The following GXYLT2 variants were observed in gnomAD, a reference collection of about 807,000 sequenced individuals.
The protein encoded by GXYLT2 is glycosyltransferase 8 domain containing 4.
In GXYLT2, 53 loss-of-function variants were observed where a neutral mutation model predicts 45.8. The ratio of observed to expected loss-of-function variants is 1.16; its 90% confidence interval spans 0.93 to 1.46. The LOEUF (loss-of-function observed/expected upper bound fraction) is 1.46, where lower values mean the gene tolerates loss of function less well. GXYLT2 is among the 40% of genes most tolerant of loss of function. The probability of loss-of-function intolerance (pLI) is 0.00; values close to 1 mark genes in which losing one functional copy is unlikely to be tolerated. For synonymous variants in GXYLT2, 219 were observed against 214.2 expected, an observed-to-expected ratio of 1.02 and a Z score of -0.19; for missense variants, 551 against 544.4, an observed-to-expected ratio of 1.01 and a Z score of -0.12.
intron 6 of GXYLT2, among the ~76,000 whole-genome samples, chr3:72,972,640 CGG>C (rs1491334131): frequency 3.3e-5 from 1 of 30,466 alleles, no homozygotes; most frequent in East Asian, 1.7e-3. Context: ...GACTCTGTCT[CGG>C]AAAAAAAAAA....
chr3:72,929,721 A>G (rs1353623393), intron 3 of GXYLT2: 1 of 587,354 alleles, frequency 1.7e-6, no homozygotes. Context: ...AAAAGAAAAT[A>G]TTCACTTAAT....
At chr3:72,889,157 C>A (rs748963389) in intron 1 of GXYLT2, among the ~76,000 whole-genome samples, 1 of 152,202 alleles carries the variant, frequency 6.6e-6, no homozygotes, top group African/African-American at 2.4e-5. Context: ...TTGATACTCT[C>A]TTTCCCTACA....
chr3:72,975,562 A>G lies in GXYLT2; in HGVS notation c.*403A>G, dbSNP rs1711084899. On this transcript the variant is annotated 3_prime_UTR_variant, in exon 7 of 7. Coordinates refer to ENST00000389617, the MANE Select transcript of GXYLT2 (RefSeq NM_001080393.2). ...TCCCCCACACCCGTGTTATAAAAGT[A>G]ATACACACTTTTGAAACAGAGAGAC... 6.2e-6 allele frequency: 1 copy of G among 160,102 alleles called. No individual in the cohort carries two copies. Among genetic ancestry groups the G allele is most frequent in the African/African-American group, 2.4e-5 (1 of 41,732 alleles). 9.9% of individuals were successfully genotyped at this position (160,102 alleles called of 1,614,324 possible).
intron 2 of GXYLT2, among the ~76,000 whole-genome samples, chr3:72,921,005 G>T (rs1709824336): frequency 6.6e-6 from 1 of 151,520 alleles, no homozygotes; most frequent in Admixed American, 6.6e-5. Context: ...ATTTTTAGTA[G>T]AGACGGGGTT....
chr3:72,921,752 T>C (rs1162130300), intron 2 of GXYLT2, among the ~76,000 whole-genome samples: 1 of 152,172 alleles, frequency 6.6e-6, no homozygotes, highest in African/African-American at 2.4e-5. Context: ...ATTATTTTAT[T>C]ATATAGTTCT....
chr3:72,942,750 A>AT (rs923760196), intron 3 of GXYLT2, among the ~76,000 whole-genome samples: 1 of 150,212 alleles, frequency 6.7e-6, no homozygotes, highest in Non-Finnish European at 1.5e-5. Flanking sequence ...TGTCCAGGTT[A>AT]TAAAAAAAAA....
chr3:72,950,946 C>A (rs1415151023), intron 3 of GXYLT2, among the ~76,000 whole-genome samples: 1 of 152,146 alleles, frequency 6.6e-6, no homozygotes, highest in Non-Finnish European at 1.5e-5. Context: ...TTATAGCCAG[C>A]AGCATCGGGT....
chr3:72,919,111 T>A (rs1394388197), intron 2 of GXYLT2, among the ~76,000 whole-genome samples: 1 of 152,108 alleles, frequency 6.6e-6, no homozygotes, highest in Non-Finnish European at 1.5e-5. Context: ...TACTATACAA[T>A]CCAGGAATTG....
chr3:72,904,401 T>C (rs1056526520), intron 1 of GXYLT2, among the ~76,000 whole-genome samples: 1 of 152,230 alleles, frequency 6.6e-6, no homozygotes, highest in Admixed American at 6.5e-5. Flanking sequence ...CTGAGATTTT[T>C]CATGTAATGT....
At chr3:72,910,998 G>A (rs1176326984) in intron 2 of GXYLT2, among the ~76,000 whole-genome samples, 2 of 152,110 alleles carry the variant, frequency 1.3e-5, no homozygotes, top group Non-Finnish European at 2.9e-5. Flanking sequence ...GACTTTAAAA[G>A]GGGAAGGGAA....
chr3:72,918,663 G>A (rs1253971612), intron 2 of GXYLT2, among the ~76,000 whole-genome samples: 1 of 151,722 alleles, frequency 6.6e-6, no homozygotes, highest in Non-Finnish European at 1.5e-5. Flanking sequence ...CATCTCTACT[G>A]AAAATACAAA....
At chr3:72,912,013 A>ATTTTTTTTTTT (rs35108267) in intron 2 of GXYLT2, among the ~76,000 whole-genome samples, 3 of 114,922 alleles carry the variant, frequency 2.6e-5, no homozygotes, top group African/African-American at 1.2e-4. Flanking sequence ...ATATATATAT[A>ATTTTTTTTTTT]TTTTTTTTTT....
At chr3:72,958,954 T>C (rs1207924110) in intron 5 of GXYLT2, among the ~76,000 whole-genome samples, 1 of 149,650 alleles carries the variant, frequency 6.7e-6, no homozygotes, top group Non-Finnish European at 1.5e-5. Flanking sequence ...TTTTTTTTTT[T>C]CTTAATGAGA....
intron 2 of GXYLT2, among the ~76,000 whole-genome samples, chr3:72,918,844 T>A (rs1709782676): frequency 6.6e-6 from 1 of 151,614 alleles, no homozygotes; most frequent in Non-Finnish European, 1.5e-5. Flanking sequence ...AAAAAAAAAA[T>A]TAAGATACAC....
intron 1 of GXYLT2, among the ~76,000 whole-genome samples, chr3:72,904,231 T>A (rs1709461012): frequency 6.6e-6 from 1 of 152,238 alleles, no homozygotes; most frequent in Non-Finnish European, 1.5e-5. Context: ...GGTTAAGAAG[T>A]CCTAGGTCCC....
At chr3:72,964,950 T>C (rs1710837325) in intron 5 of GXYLT2, among the ~76,000 whole-genome samples, 1 of 152,180 alleles carries the variant, frequency 6.6e-6, no homozygotes, top group Non-Finnish European at 1.5e-5. Flanking sequence ...AAAAGCACTT[T>C]TAGATATTTT....
At position 72,897,876 on chromosome 3, in the gene GXYLT2, C is replaced by T. The variant is rs145638258; in HGVS notation, c.275+9368C>T. Among the ~76,000 whole-genome samples the T allele has an allele frequency of 3.3e-5, 5 of 151,850 alleles. No individual in the cohort carries two copies. In the East Asian group the frequency reaches 9.6e-4, roughly 29 times the overall value. ...GAACCATTTGATAGCTTTCTAGAAC[C>T]TCTCTAGTTTTTTGTTAGAACCTCT... On this transcript the variant is annotated intron_variant, in intron 1 of 6. Transcript: ENST00000389617.
chr3:72,935,180 T>C (rs1346913690), intron 3 of GXYLT2, among the ~76,000 whole-genome samples: 2 of 151,912 alleles, frequency 1.3e-5, no homozygotes, highest in Non-Finnish European at 2.9e-5. Context: ...AAACACAATA[T>C]GTATTAAAGA....
At chr3:72,924,423 C>A (rs193261233) in intron 3 of GXYLT2, among the ~76,000 whole-genome samples, 1 of 152,162 alleles carries the variant, frequency 6.6e-6, no homozygotes, top group Admixed American at 6.5e-5. Flanking sequence ...ATACTCCTCA[C>A]ATACTCCTGG....
Sources: allele counts gnomAD v4.1 joint callset (sites outside exome capture counted in the v4.1 genomes callset), GRCh38; gene constraint gnomAD v4.1.1; transcripts MANE v1.5; gene names NCBI Gene and HGNC (gene_info 2026-07-23, HGNC 2026-07-21).